The following SEMA4D variants were observed in gnomAD, a reference collection of about 807,000 sequenced individuals.
SEMA4D encodes the protein semaphorin-4D.
In SEMA4D, 22 loss-of-function variants were observed where a neutral mutation model predicts 74.8. That is an observed-to-expected ratio of 0.29 (90% CI 0.21 to 0.42). The LOEUF is 0.42. Among genes scored for constraint, SEMA4D ranks in the 10% least tolerant of loss-of-function variants. The pLI is 1.00. For missense variants in SEMA4D, 937 were observed against 1,118.4 expected, an observed-to-expected ratio of 0.84 and a Z score of 2.31; for synonymous variants, 445 against 463.7, an observed-to-expected ratio of 0.96 and a Z score of 0.52.
intron 1 of SEMA4D, among the ~76,000 whole-genome samples, chr9:89,457,819 G>A (rs147002831): frequency 0.018 from 2,728 of 151,984 alleles, 32 homozygotes; most frequent in Middle Eastern, 0.078. Context: ...TGGATCACTA[G>A]TTAGGAGATC....
intron 1 of SEMA4D, among the ~76,000 whole-genome samples, chr9:89,491,106 T>C (rs1031255080): frequency 6.6e-6 from 1 of 152,224 alleles, no homozygotes; most frequent in Non-Finnish European, 1.5e-5. Flanking sequence ...TCAATAAAAC[T>C]GAGTAGGACA....
At chr9:89,395,214 TC>T (rs753318624) in intron 6 of SEMA4D, among the ~76,000 whole-genome samples, 1 of 152,052 alleles carries the variant, frequency 6.6e-6, no homozygotes, top group Non-Finnish European at 1.5e-5. Flanking sequence ...TCACCTCAGG[TC>T]AGGAGTTCAA....
intron 17 of SEMA4D, chr9:89,363,645 G>A (rs1015633275): frequency 1.2e-5 from 19 of 1,591,016 alleles, no homozygotes; most frequent in East Asian, 6.7e-5. Flanking sequence ...GAATGCCACC[G>A]TGCAAGCATG....
At chr9:89,375,781 T>C (rs978724217), downstream of SEMA4D, among the ~76,000 whole-genome samples, 1 of 152,216 alleles carries the variant, frequency 6.6e-6, no homozygotes, top group South Asian at 2.1e-4. Context: ...AGAGCAGATA[T>C]CCCATCCGAG....
At chr9:89,394,644 G>A (rs1405080409) in intron 6 of SEMA4D, among the ~76,000 whole-genome samples, 1 of 152,226 alleles carries the variant, frequency 6.6e-6, no homozygotes, top group East Asian at 1.9e-4. Context: ...GAGGCTGGCT[G>A]GAAACACGCT....
Position 89,425,155 on chromosome 9 carries a change from G to A in SEMA4D, c.-243-19456C>T, listed in dbSNP as rs74936717. 7.8e-3 allele frequency among the ~76,000 whole-genome samples: 1,181 copies of A among 152,288 alleles called. 17 individuals are homozygous for A. The highest frequency in any genetic ancestry group is 0.026 in the African/African-American group (1,101 of 41,548). ...GCCCATGTAACTGGCAGCCAGGACC[G>A]AGAACTGGCCTGCATCCACCAGATT... On this transcript the variant is annotated intron_variant, in intron 2 of 15. Coordinates refer to ENST00000422704, the MANE Select transcript of SEMA4D (RefSeq NM_001371194.2).
At chr9:89,449,914 C>CT in intron 2 of SEMA4D, 1 of 1,432,238 alleles carries the variant, frequency 7.0e-7, no homozygotes, top group South Asian at 1.1e-5. Context: ...GGCTTCATCA[C>CT]TAATGTAGCT....
chr9:89,434,230 T>C (rs1485864444), intron 2 of SEMA4D, among the ~76,000 whole-genome samples: 2 of 152,030 alleles, frequency 1.3e-5, no homozygotes, highest in East Asian at 3.9e-4. Context: ...CCACGATGCA[T>C]GCTGCCCCCA....
intron 1 of SEMA4D, among the ~76,000 whole-genome samples, chr9:89,496,952 C>T (rs1826066337): frequency 6.6e-6 from 1 of 152,200 alleles, no homozygotes; most frequent in African/African-American, 2.4e-5. Context: ...GGCCTGGCCA[C>T]CCACGAGCCT....
At chr9:89,436,704 A>G in intron 2 of SEMA4D, 1 of 152,950 alleles carries the variant, frequency 6.5e-6, no homozygotes, top group Non-Finnish European at 1.5e-5. Flanking sequence ...CCCAAGGCTG[A>G]GGAAGGAGGA....
chr9:89,370,840 T>C (rs1247128549), intron 16 of SEMA4D, among the ~76,000 whole-genome samples: 1 of 113,430 alleles, frequency 8.8e-6, no homozygotes, highest in East Asian at 2.8e-4. Flanking sequence ...TGGGGTGCGG[T>C]GTGTCGGGCG....
In SEMA4D at chr9:89,363,594, G is replaced by A. The variant is rs906395960; in HGVS notation, c.2093-67C>T. The A allele has an allele frequency of 5.6e-6, 9 of 1,603,676 alleles. No homozygotes were observed. In the Admixed American group the frequency reaches 1.5e-4, roughly 27 times the overall value. On this transcript the variant is annotated intron_variant, in intron 17 of 18. Transcript: ENST00000339861. The stretch of plus-strand genomic sequence containing the variant: ...CTTTATGGCACCCTTGATGCCCACT[G>A]GCCACCTTTCTCAATGGAAAGCCAA...
At chr9:89,468,713 C>T (rs999709380) in intron 1 of SEMA4D, among the ~76,000 whole-genome samples, 1 of 152,130 alleles carries the variant, frequency 6.6e-6, no homozygotes, top group Non-Finnish European at 1.5e-5. Flanking sequence ...GTGGTGGCTG[C>T]GGGTTTCTTC....
intron 1 of SEMA4D, chr9:89,472,199 C>T (rs530748380): frequency 6.3e-5 from 13 of 205,266 alleles, no homozygotes; most frequent in African/African-American, 3.1e-4. Flanking sequence ...AAACACATCC[C>T]AAGGGTGAAG....
intron 16 of SEMA4D, among the ~76,000 whole-genome samples, chr9:89,371,128 A>G (rs1241049588): frequency 2.0e-4 from 7 of 34,676 alleles, no homozygotes; most frequent in East Asian, 1.0e-3. Context: ...TGTGGTGTGT[A>G]TGTCTGGGGT....
intron 2 of SEMA4D, chr9:89,450,657 CAGGAAAAAAA>C (rs1854168147): frequency 3.6e-5 from 8 of 221,888 alleles, no homozygotes; most frequent in African/African-American, 1.7e-4. Context: ...TCGAAAAACC[CAGGAAAAAAA>C]AAAAAAAAAA....
chr9:89,424,138 A>C (rs920421724), intron 2 of SEMA4D, among the ~76,000 whole-genome samples: 1 of 152,014 alleles, frequency 6.6e-6, no homozygotes, highest in Non-Finnish European at 1.5e-5. Flanking sequence ...CTACTCCCTC[A>C]GCACCTCCTC....
intron 2 of SEMA4D, among the ~76,000 whole-genome samples, chr9:89,446,144 G>A (rs191521443): frequency 1.3e-5 from 2 of 152,160 alleles, no homozygotes; most frequent in African/African-American, 2.4e-5. Flanking sequence ...CTGGGCACCC[G>A]AGGCCCAGCC....
In SEMA4D at chr9:89,386,502, G is replaced by C. The variant is rs369094578; in HGVS notation, c.1331-20C>G. The C allele has an allele frequency of 3.3e-5, 51 of 1,568,068 alleles. No homozygotes were observed. In the African/African-American group the frequency reaches 6.4e-4, roughly 20 times the overall value. The stretch of plus-strand genomic sequence containing the variant: ...CCCGGTCTGCAGGGCCAAAGCTACA[G>C]GTCAGTGACACTAACCCAGACACAG... On this transcript the variant is annotated intron_variant, in intron 12 of 15. Transcript: ENST00000422704.
Sources: allele counts gnomAD v4.1 joint callset (sites outside exome capture counted in the v4.1 genomes callset), GRCh38; gene constraint gnomAD v4.1.1; transcripts MANE v1.5; gene names NCBI Gene and HGNC (gene_info 2026-07-23, HGNC 2026-07-21).